Variants in SNX18 observed in about 807,000 individuals in gnomAD.
The protein encoded by SNX18 is sorting nexin-18.
SNX18 carries 35 observed loss-of-function variants against 48.7 expected under a neutral mutation model. That is an observed-to-expected ratio of 0.72 (90% CI 0.55 to 0.95). SNX18 has a LOEUF of 0.95. Among genes scored for constraint, SNX18 ranks in the 40% least tolerant of loss-of-function variants. SNX18 has a pLI of 0.00. For synonymous variants in SNX18, 492 were observed against 384.7 expected (o/e 1.28, Z -3.26); for missense variants, 824 against 871.0 (o/e 0.95, Z 0.68).
chr5:54,525,611 G>T (rs1164321832), intron 1 of SNX18, among the ~76,000 whole-genome samples: 1 of 152,142 alleles, frequency 6.6e-6, no homozygotes, highest in Non-Finnish European at 1.5e-5. Context: ...GTTTGTTGTT[G>T]TTCACATTGA....
chr5:54,556,031 G>C, the SNX18 span, among the ~76,000 whole-genome samples: 1 of 152,132 alleles, frequency 6.6e-6, no homozygotes, highest in African/African-American at 2.4e-5. Context: ...AAAGCAGAAA[G>C]AGAGGGTACC....
At chr5:54,553,354 C>T in the SNX18 span, among the ~76,000 whole-genome samples, 2 of 152,048 alleles carry the variant, frequency 1.3e-5, no homozygotes, top group Non-Finnish European at 2.9e-5. Flanking sequence ...CTGGTGGCCA[C>T]CATGTCCCCA....
chr5:54,568,401 G>A, the SNX18 span, among the ~76,000 whole-genome samples: 1 of 152,184 alleles, frequency 6.6e-6, no homozygotes, highest in African/African-American at 2.4e-5. Context: ...ATGCATAGAT[G>A]TTCTGCTCCC....
At chr5:54,611,985 C>T in the SNX18 span, among the ~76,000 whole-genome samples, 25 of 152,148 alleles carry the variant, frequency 1.6e-4, no homozygotes, top group Non-Finnish European at 1.8e-4. Flanking sequence ...TCAAGCGATC[C>T]TCCCGCCTCA....
the SNX18 span, among the ~76,000 whole-genome samples, chr5:54,614,872 T>C: frequency 6.6e-6 from 1 of 152,180 alleles, no homozygotes; most frequent in East Asian, 1.9e-4. Context: ...GGTACTGTCT[T>C]AAGCACTAAC....
the SNX18 span, among the ~76,000 whole-genome samples, chr5:54,601,895 AG>A: frequency 6.7e-6 from 1 of 149,288 alleles, no homozygotes; most frequent in Non-Finnish European, 1.5e-5. Context: ...AAGAAAAAAA[AG>A]GGCACATTAG....
chr5:54,570,976 C>T, the SNX18 span, among the ~76,000 whole-genome samples: 1 of 152,206 alleles, frequency 6.6e-6, no homozygotes, highest in Admixed American at 6.5e-5. Flanking sequence ...GTATTGAACA[C>T]TCAAGCCTCT....
the SNX18 span, among the ~76,000 whole-genome samples, chr5:54,588,598 A>AT: frequency 2.9e-3 from 445 of 152,208 alleles, 2 homozygotes; most frequent in Admixed American, 5.6e-3. Flanking sequence ...AAGTGCTGGG[A>AT]TTACAGGCGT....
chr5:54,540,222 TC>T (rs1762438778), intron 1 of SNX18, among the ~76,000 whole-genome samples: 3 of 143,772 alleles, frequency 2.1e-5, no homozygotes, highest in African/African-American at 2.6e-5. Flanking sequence ...TTTTTTTTTT[TC>T]TTCTTTGAGA....
the SNX18 span, among the ~76,000 whole-genome samples, chr5:54,633,553 T>C: frequency 2.0e-5 from 3 of 152,162 alleles, no homozygotes; most frequent in African/African-American, 7.2e-5. Context: ...CTGTAGGACA[T>C]TGGGCAAGTT....
At chr5:54,600,690 A>G in the SNX18 span, among the ~76,000 whole-genome samples, 2 of 152,224 alleles carry the variant, frequency 1.3e-5, no homozygotes, top group African/African-American at 4.8e-5. Flanking sequence ...ATGTGGATGA[A>G]GCCAGAAGCC....
intron 1 of SNX18, among the ~76,000 whole-genome samples, chr5:54,533,732 C>T (rs568152738): frequency 5.1e-4 from 77 of 152,304 alleles, no homozygotes; most frequent in African/African-American, 1.7e-3. Flanking sequence ...ACAGTGCAGG[C>T]GCTTCTCTGT....
the SNX18 span, among the ~76,000 whole-genome samples, chr5:54,598,052 A>C: frequency 6.6e-6 from 1 of 152,160 alleles, no homozygotes; most frequent in South Asian, 2.1e-4. Context: ...AAAATGATAG[A>C]GGTATCAGCA....
intron 1 of SNX18, among the ~76,000 whole-genome samples, chr5:54,524,728 G>A (rs1762096463): frequency 6.6e-6 from 1 of 152,226 alleles, no homozygotes; most frequent in South Asian, 2.1e-4. Context: ...ATTATATCCG[G>A]AAGGCAGACG....
the SNX18 span, among the ~76,000 whole-genome samples, chr5:54,585,741 C>T: frequency 3.9e-5 from 6 of 152,108 alleles, no homozygotes; most frequent in Non-Finnish European, 7.4e-5. Flanking sequence ...CGGTGGCTCA[C>T]GCCTGTAATC....
chr5:54,541,902 C>T (rs1359867690), intron 1 of SNX18, among the ~76,000 whole-genome samples: 1 of 152,038 alleles, frequency 6.6e-6, no homozygotes, highest in African/African-American at 2.4e-5. Context: ...GGCATCTTCC[C>T]TTGTATATTT....
the SNX18 span, among the ~76,000 whole-genome samples, chr5:54,562,746 G>A: frequency 5.9e-5 from 9 of 152,232 alleles, no homozygotes; most frequent in East Asian, 1.9e-4. Flanking sequence ...TAGAGTATAC[G>A]CCTTCTACTT....
chr5:54,622,765 C>CA, the SNX18 span, among the ~76,000 whole-genome samples: 2 of 151,814 alleles, frequency 1.3e-5, no homozygotes, highest in Non-Finnish European at 2.9e-5. Flanking sequence ...CTAATGTTAA[C>CA]AAGAAGCCAA....
chr5:54,597,221 G>C, the SNX18 span, among the ~76,000 whole-genome samples: 1 of 152,118 alleles, frequency 6.6e-6, no homozygotes, highest in East Asian at 1.9e-4. Context: ...CAATACAGGA[G>C]CACCCAGATT....
Sources: allele counts gnomAD v4.1 joint callset (sites outside exome capture counted in the v4.1 genomes callset), GRCh38; gene constraint gnomAD v4.1.1; transcripts MANE v1.5; gene names NCBI Gene and HGNC (gene_info 2026-07-23, HGNC 2026-07-21).